Variants in BEND6 observed in about 807,000 individuals in gnomAD.
BEND6 encodes the protein BEN domain containing 6, also known as BEN domain-containing protein 6.
In BEND6, 24 loss-of-function variants were observed where a neutral mutation model predicts 31.8. The observed-to-expected ratio is 0.75, with a 90% confidence interval of 0.55 to 1.06. BEND6 has a LOEUF of 1.06. Ranked by LOEUF, BEND6 falls within the 50% of genes least tolerant of loss-of-function variation. The pLI, the probability that BEND6 is intolerant of heterozygous loss-of-function variation, is 0.00. For missense variants in BEND6, 294 were observed against 327.4 expected (o/e 0.90, Z 0.79); for synonymous variants, 109 against 114.6 (o/e 0.95, Z 0.31).
intron 2 of BEND6, among the ~76,000 whole-genome samples, chr6:56,988,160 G>A (rs1826352818): frequency 6.6e-6 from 1 of 151,840 alleles, no homozygotes; most frequent in South Asian, 2.1e-4. Flanking sequence ...GGGACTACAG[G>A]TGCATGCCAT....
chr6:56,982,055 ATGGAGAAAATATAATCTTAT>A, intron 2 of BEND6, 125 bp downstream of exon 2: 1 of 1,119,032 alleles, frequency 8.9e-7, no homozygotes, highest in East Asian at 2.9e-5. Context: ...TCTTTATTCA[ATGGAGAAAATATAATCTTAT>A]GTTCTTTTTC....
chr6:57,008,518 G>T (rs1035268236), intron 3 of BEND6: 1 of 328,748 alleles, frequency 3.0e-6, no homozygotes, highest in African/African-American at 2.1e-5. Flanking sequence ...GGGAGAATTG[G>T]CCTGCCACAA....
intron 3 of BEND6, among the ~76,000 whole-genome samples, chr6:57,001,807 C>T (rs1310607888): frequency 2.6e-5 from 4 of 152,178 alleles, no homozygotes; most frequent in African/African-American, 7.2e-5. Context: ...ACGTTGCCCA[C>T]AGATACTGTA....
At chr6:57,022,111 T>C (rs1217138535) in intron 6 of BEND6, among the ~76,000 whole-genome samples, 1 of 152,026 alleles carries the variant, frequency 6.6e-6, no homozygotes, top group Non-Finnish European at 1.5e-5. Flanking sequence ...TACTACTTTG[T>C]AGAATGAGTT....
rs1347174263 is a variant in BEND6 at position 57,027,171 on chromosome 6, TGGAAAAGA to T, written c.*1103_*1110del. On this transcript the variant is annotated 3_prime_UTR_variant, in exon 7 of 7. Transcript: ENST00000370746. ...CAGTGCACAAAGTCATGTTTAAACT[TGGAAAAGA>T]GGATGCTACAGTAGTTTCAAAGTTC... 5 of 152,224 alleles carry T rather than the reference TGGAAAAGA, an allele frequency of 3.3e-5. No individual in the cohort carries two copies. Among genetic ancestry groups the T allele is most frequent in the African/African-American group, 1.2e-4 (5 of 41,458 alleles). The allele number at this position is 152,224 out of a possible 1,614,324, so 9.4% of individuals were successfully genotyped here.
intron 3 of BEND6, chr6:57,014,312 G>C (rs1358319167): frequency 2.3e-6 from 1 of 433,752 alleles, no homozygotes; most frequent in Non-Finnish European, 4.1e-6. Context: ...TAAAATTGTA[G>C]CTCAATAATA....
chr6:56,974,737 T>G (rs1177668050), intron 1 of BEND6, among the ~76,000 whole-genome samples: 1 of 152,216 alleles, frequency 6.6e-6, no homozygotes, highest in Non-Finnish European at 1.5e-5. Flanking sequence ...ATTAGAAAAA[T>G]TATTTATTTC....
In BEND6 at chr6:56,966,176, A is replaced by T. The variant is rs139218952; in HGVS notation, c.-101+10716A>T. ...GAGTGCAATGGCATGATCTCGGCTC[A>T]CTGCAACCTCCATCTTCCGGGTTCA... On this transcript the variant is annotated intron_variant, in intron 1 of 6. Transcript: ENST00000370746. 3.3e-3 allele frequency among the ~76,000 whole-genome samples: 503 copies of T among 152,180 alleles called. 3 individuals carry two copies. The highest frequency in any genetic ancestry group is 0.011 in the African/African-American group (466 of 41,522).
chr6:56,994,640 T>C (rs1312135182), intron 3 of BEND6, among the ~76,000 whole-genome samples: 1 of 152,014 alleles, frequency 6.6e-6, no homozygotes, highest in East Asian at 1.9e-4. Flanking sequence ...CTATGAGAAT[T>C]CAATGAGCTA....
At chr6:56,974,196 C>T (rs762769520) in intron 1 of BEND6, among the ~76,000 whole-genome samples, 2 of 151,940 alleles carry the variant, frequency 1.3e-5, no homozygotes, top group Non-Finnish European at 1.5e-5. Context: ...GTAATATGTG[C>T]GGTAATGTAA....
chr6:56,968,307 C>CTTTTT (rs1562535945), intron 1 of BEND6, among the ~76,000 whole-genome samples: 1 of 106,494 alleles, frequency 9.4e-6, no homozygotes, highest in African/African-American at 3.5e-5. Context: ...TTCTTTCTTT[C>CTTTTT]TTTTCTTTTT....
rs770761945 is a variant in BEND6 at position 57,017,209 on chromosome 6, C to A, written c.522C>A (p.Phe174Leu). ...TCAACTCTTTCTTATCTTTTTAGTTCCAGATTGAAAAATGGCAGATTGCCC... is the reference window on the plus strand; with the variant it reads ...TCAACTCTTTCTTATCTTTTTAGTTACAGATTGAAAAATGGCAGATTGCCC... ...EEEHQTDEKQ[F>L]QIEKWQIARC... The change falls in exon 5 of 7, where the codon TTC (phenylalanine) becomes TTA (leucine). Residue 174 changes from phenylalanine to leucine, a missense_variant and splice_region_variant. Coordinates refer to ENST00000370746, the MANE Select transcript of BEND6 (RefSeq NM_152731.3). 1 of 1,571,526 alleles carries A rather than the reference C, an allele frequency of 6.4e-7. No individual in the cohort carries two copies. The highest frequency in any genetic ancestry group is 1.2e-5 in the South Asian group (1 of 85,348).
chr6:56,988,019 C>CTT (rs34912760), intron 2 of BEND6, among the ~76,000 whole-genome samples: 133 of 139,048 alleles, frequency 9.6e-4, no homozygotes, highest in African/African-American at 2.6e-3. Context: ...TTTTTTCTTT[C>CTT]TTTTTTTTTT....
chr6:57,010,883 A>C (rs543786285), intron 3 of BEND6: 2 of 659,164 alleles, frequency 3.0e-6, no homozygotes, highest in Non-Finnish European at 3.8e-6. Flanking sequence ...TTATAAAATT[A>C]AAAGATAAAC....
chr6:57,001,588 C>T (rs1198077555), intron 3 of BEND6, among the ~76,000 whole-genome samples: 1 of 152,192 alleles, frequency 6.6e-6, no homozygotes, highest in African/African-American at 2.4e-5. Flanking sequence ...GGCCTATTTT[C>T]AGCATTCTTA....
At chr6:57,008,190 G>A (rs1431070974) in intron 3 of BEND6, 1 of 702,928 alleles carries the variant, frequency 1.4e-6, no homozygotes, top group African/African-American at 1.7e-5. Flanking sequence ...GCTTGGTCCA[G>A]AGAGCTGCCT....
At chr6:56,975,987 G>A in intron 1 of BEND6, 1 of 510,330 alleles carries the variant, frequency 2.0e-6, no homozygotes, top group Non-Finnish European at 4.0e-6. Flanking sequence ...TGCAGTCATG[G>A]TGGCTTCTTC....
chr6:56,960,028 G>A (rs1013543918), intron 1 of BEND6, among the ~76,000 whole-genome samples: 2 of 152,058 alleles, frequency 1.3e-5, no homozygotes, highest in African/African-American at 4.8e-5. Context: ...AATTGAATTC[G>A]TCTACTATAT....
At chr6:56,987,513 C>T (rs1440197871) in intron 2 of BEND6, among the ~76,000 whole-genome samples, 1 of 152,182 alleles carries the variant, frequency 6.6e-6, no homozygotes, top group East Asian at 1.9e-4. Flanking sequence ...AAGCAAGGAG[C>T]CAGCCTGCTG....
Sources: allele counts gnomAD v4.1 joint callset (sites outside exome capture counted in the v4.1 genomes callset), GRCh38; gene constraint gnomAD v4.1.1; transcripts MANE v1.5; gene names NCBI Gene and HGNC (gene_info 2026-07-23, HGNC 2026-07-21).